Variants in NOVA1 observed in about 807,000 individuals in gnomAD.
NOVA1 encodes the protein NOVA alternative splicing regulator 1, also known as RNA-binding protein Nova-1.
NOVA1 carries 7 observed loss-of-function variants against 38.0 expected under a neutral mutation model. The observed-to-expected ratio is 0.18, with a 90% CI of 0.10 to 0.35. The LOEUF (loss-of-function observed/expected upper bound fraction) is 0.35, where lower values mean the gene tolerates loss of function less well. NOVA1 is among the 10% of genes least tolerant of loss of function. The pLI is 1.00. For synonymous variants in NOVA1, 270 were observed against 232.5 expected (o/e 1.16, Z -1.47); for missense variants, 460 against 616.0 (o/e 0.75, Z 2.68).
At chr14:26,550,748 AGACT>A (rs1284587339) in intron 2 of NOVA1, among the ~76,000 whole-genome samples, 1 of 152,164 alleles carries the variant, frequency 6.6e-6, no homozygotes, top group East Asian at 1.9e-4. Flanking sequence ...TTTCTGAAAC[AGACT>A]GAGGGTGCTT....
Position 26,571,481 on chromosome 14 carries a change from T to C in NOVA1, c.280+23929A>G, listed in dbSNP as rs540752947. Among the ~76,000 whole-genome samples the C allele has an allele frequency of 1.5e-4, 23 of 152,192 alleles. 1 individual carries two copies. The South Asian group carries it at 4.8e-3, about 32-fold the overall frequency. On this transcript the variant is annotated intron_variant, in intron 2 of 4. Coordinates refer to ENST00000539517, the MANE Select transcript of NOVA1 (RefSeq NM_002515.3). Reference sequence around the variant, plus strand: ...GAAATAACAGGAAAAACACATGACATGACAATGACGCAGTTACCTCTAGCA... The same window carrying C: ...GAAATAACAGGAAAAACACATGACACGACAATGACGCAGTTACCTCTAGCA...
At chr14:26,517,540 A>C (rs1888561395) in intron 2 of NOVA1, among the ~76,000 whole-genome samples, 1 of 152,196 alleles carries the variant, frequency 6.6e-6, no homozygotes, top group Non-Finnish European at 1.5e-5. Flanking sequence ...TTGTTGAAAT[A>C]AGTATTAATT....
chr14:26,556,576 A>G (rs117940385), intron 2 of NOVA1, among the ~76,000 whole-genome samples: 1 of 152,370 alleles, frequency 6.6e-6, no homozygotes, highest in East Asian at 1.9e-4. Flanking sequence ...GGATAAAATC[A>G]GGGTGACCTT....
intron 2 of NOVA1, among the ~76,000 whole-genome samples, chr14:26,509,947 C>A (rs187621416): frequency 1.0e-3 from 153 of 152,142 alleles, no homozygotes; most frequent in African/African-American, 3.4e-3. Flanking sequence ...CCCAAAGTGT[C>A]GGGATTATAG....
chr14:26,513,839 A>G (rs558221415), intron 2 of NOVA1, among the ~76,000 whole-genome samples: 2 of 151,834 alleles, frequency 1.3e-5, no homozygotes, highest in African/African-American at 4.8e-5. Context: ...ACAAATCCAA[A>G]CAAATTATGT....
At chr14:26,559,961 AATT>A (rs1173455931) in intron 2 of NOVA1, among the ~76,000 whole-genome samples, 1 of 152,100 alleles carries the variant, frequency 6.6e-6, no homozygotes, top group Non-Finnish European at 1.5e-5. Context: ...AAATGTATTA[AATT>A]ATTGTAATAT....
At chr14:26,492,020 G>C (rs947720110) in intron 2 of NOVA1, among the ~76,000 whole-genome samples, 3 of 151,362 alleles carry the variant, frequency 2.0e-5, no homozygotes, top group African/African-American at 7.3e-5. Flanking sequence ...GTATACTTTG[G>C]GTAGTACTGA....
At chr14:26,469,688 C>T (rs1160639745) in intron 4 of NOVA1, among the ~76,000 whole-genome samples, 1 of 152,188 alleles carries the variant, frequency 6.6e-6, no homozygotes, top group African/African-American at 2.4e-5. Context: ...CTCCTGGCCT[C>T]AGGCACTCCT....
chr14:26,489,565 G>C (rs1886171808), intron 2 of NOVA1, among the ~76,000 whole-genome samples: 1 of 151,816 alleles, frequency 6.6e-6, no homozygotes, highest in South Asian at 2.1e-4. Flanking sequence ...AGGATGCTAA[G>C]ATAATAGAAA....
chr14:26,465,955 A>G (rs1371606499), intron 4 of NOVA1, among the ~76,000 whole-genome samples: 3 of 152,254 alleles, frequency 2.0e-5, no homozygotes, highest in African/African-American at 7.2e-5. Flanking sequence ...AAAAAACAGC[A>G]CGATAAAGGG....
intron 2 of NOVA1, among the ~76,000 whole-genome samples, chr14:26,588,107 T>A (rs1893638754): frequency 6.6e-6 from 1 of 151,080 alleles, no homozygotes; most frequent in African/African-American, 2.4e-5. Flanking sequence ...AGAGTATAAC[T>A]ATTCTCAAAC....
intron 4 of NOVA1, among the ~76,000 whole-genome samples, chr14:26,471,100 T>C (rs1219856764): frequency 6.6e-6 from 1 of 152,126 alleles, no homozygotes; most frequent in South Asian, 2.1e-4. Flanking sequence ...GTGTATTTAC[T>C]AACCACTTTA....
intron 2 of NOVA1, chr14:26,519,206 C>G (rs1356551242): frequency 1.3e-5 from 2 of 151,670 alleles, no homozygotes; most frequent in African/African-American, 4.9e-5. Context: ...TTTGTCAATG[C>G]CTTTAATAAT....
rs566202752 is a variant in NOVA1 at position 26,444,436 on chromosome 14, C to T, written c.*3523G>A. On this transcript the variant is annotated 3_prime_UTR_variant, in exon 5 of 5. Transcript: ENST00000539517. ...AACCATCTGAATGCGATGGAATAAT[C>T]TATCTCTACTGTGCAGGTAGGCTTG... 6.6e-6 allele frequency: 1 copy of T among 152,228 alleles called. No homozygotes were observed. Among genetic ancestry groups the T allele is most frequent in the South Asian group, 2.1e-4 (1 of 4,830 alleles). 9.4% of individuals were successfully genotyped at this position (152,228 alleles called of 1,614,324 possible). A position where few individuals can be genotyped will look rare whatever the true frequency, so the allele number is the denominator to read the frequency against.
chr14:26,481,988 T>TAAAAAAAAAAAAAAAAAAAAAAA (rs372806170), intron 2 of NOVA1, among the ~76,000 whole-genome samples: 14 of 105,958 alleles, frequency 1.3e-4, no homozygotes, highest in African/African-American at 4.6e-4. Context: ...TAGATAGAGA[T>TAAAAAAAAAAAAAAAAAAAAAAA]AAAAAAAAAA....
intron 2 of NOVA1, among the ~76,000 whole-genome samples, chr14:26,515,910 A>G (rs917196994): frequency 4.6e-5 from 7 of 152,092 alleles, no homozygotes; most frequent in Admixed American, 2.6e-4. Flanking sequence ...GTACAAAATC[A>G]TAAGTGTATA....
At chr14:26,545,425 A>G (rs1007827545) in intron 2 of NOVA1, among the ~76,000 whole-genome samples, 2 of 152,092 alleles carry the variant, frequency 1.3e-5, no homozygotes, top group African/African-American at 4.8e-5. Context: ...AAAAGAAAGC[A>G]TGATATATCC....
intron 2 of NOVA1, among the ~76,000 whole-genome samples, chr14:26,538,724 T>C (rs1206920574): frequency 6.6e-6 from 1 of 152,056 alleles, no homozygotes; most frequent in African/African-American, 2.4e-5. Context: ...GCAGGTAAAC[T>C]AATTTCCTCA....
intron 4 of NOVA1, among the ~76,000 whole-genome samples, chr14:26,464,136 T>C (rs1225216421): frequency 6.6e-6 from 1 of 152,172 alleles, no homozygotes; most frequent in African/African-American, 2.4e-5. Flanking sequence ...TAGATCACAC[T>C]TTTTCTTTAT....
Sources: allele counts gnomAD v4.1 joint callset (sites outside exome capture counted in the v4.1 genomes callset), GRCh38; gene constraint gnomAD v4.1.1; transcripts MANE v1.5; gene names NCBI Gene and HGNC (gene_info 2026-07-23, HGNC 2026-07-21).